Variants in FARP2 observed in about 807,000 individuals in gnomAD.
FARP2 encodes FERM, ARHGEF and pleckstrin domain-containing protein 2.
FARP2 carries 111 observed loss-of-function variants against 130.5 expected under a neutral mutation model. The observed-to-expected ratio is 0.85, with a 90% CI of 0.73 to 1.00. The LOEUF (loss-of-function observed/expected upper bound fraction) is 1.00, where lower values mean the gene tolerates loss of function less well. FARP2 is among the 50% of genes least tolerant of loss of function. The pLI is 0.00. For missense variants in FARP2, 1,385 were observed against 1,346.3 expected, an observed-to-expected ratio of 1.03 and a Z score of -0.45; for synonymous variants, 504 against 516.9, an observed-to-expected ratio of 0.98 and a Z score of 0.34.
chr2:241,463,743 C>T, intron 16 of FARP2, 156 bp from the exon 17 acceptor site: 1 of 702,544 alleles, frequency 1.4e-6, no homozygotes, highest in South Asian at 1.8e-5. Flanking sequence ...ATAGCAGCTT[C>T]CATCCAGGGC....
At position 241,491,526 on chromosome 2, in the gene FARP2, C is replaced by T. The variant is rs754794761; in HGVS notation, c.2634C>T (p.Asn878=). The stretch of plus-strand genomic sequence containing the variant: ...CTGACTTCTCCCCAGGATCCCCCAA[C>T]GAGGTATCTCTGGAGCAGGAGTCAG... ...TVCTRPPRSP[N]EVSLEQESED... is the part of the protein sequence containing the mutation. The change falls in exon 24 of 27, where the codon AAC becomes AAT. Residue 878 remains asparagine, a synonymous_variant. Transcript: ENST00000264042. 12 of 1,613,470 alleles carry T rather than the reference C, an allele frequency of 7.4e-6. No individual in the cohort carries two copies. Among genetic ancestry groups the T allele is most frequent in the East Asian group, 2.2e-5 (1 of 44,876 alleles).
In FARP2 at chr2:241,418,089, A is replaced by G. The variant is rs1427247874; in HGVS notation, c.751A>G (p.Met251Val). 3.7e-6 allele frequency: 6 copies of G among 1,614,038 alleles called. No individual in the cohort carries two copies. The highest frequency in any genetic ancestry group is 1.7e-5 in the Admixed American group (1 of 59,988). The change falls in exon 8 of 27, where the codon ATG becomes GTG. Residue 251 changes from methionine to valine, a missense_variant. Met to Val is a conservative substitution (Grantham distance 21). Transcript: ENST00000264042. ...GTKIQLAVSH[M>V]GVLVFQGTTK... ...CAAGATTCAACTGGCAGTTTCCCAC[A>G]TGGGTGTACTCGTGTTCCAGGTAGG...
At chr2:241,404,690 T>C in intron 3 of FARP2, 109 bp from the exon 4 acceptor site, 1 of 784,646 alleles carries the variant, frequency 1.3e-6, no homozygotes, top group Non-Finnish European at 2.1e-6. Flanking sequence ...GTCAAAATTT[T>C]CCTGACATAA....
chr2:241,479,229 G>A (rs2064553517), intron 19 of FARP2, among the ~76,000 whole-genome samples: 1 of 152,206 alleles, frequency 6.6e-6, no homozygotes, highest in South Asian at 2.1e-4. Flanking sequence ...ATCTCTTGAG[G>A]GGGGCCAGAG....
At chr2:241,400,811 TTGAAAGAACTTCATAGGGTTG>T (rs2062147060) in intron 2 of FARP2, among the ~76,000 whole-genome samples, 1 of 152,274 alleles carries the variant, frequency 6.6e-6, no homozygotes, top group Admixed American at 6.5e-5. Context: ...CAGTATGGCT[TTGAAAGAACTTCATAGGGTTG>T]TTTGGGCCCA....
chr2:241,417,570 G>A (rs913882341), intron 7 of FARP2, among the ~76,000 whole-genome samples: 3 of 152,092 alleles, frequency 2.0e-5, no homozygotes, highest in Non-Finnish European at 2.9e-5. Context: ...TGATCCACCC[G>A]CCTCTGCCTC....
intron 8 of FARP2, among the ~76,000 whole-genome samples, chr2:241,426,988 A>G (rs2062955140): frequency 6.6e-6 from 1 of 152,202 alleles, no homozygotes; most frequent in South Asian, 2.1e-4. Context: ...TAATCCCAGA[A>G]CTTTGGGAGG....
chr2:241,450,386 G>A (rs2063619647), intron 13 of FARP2, among the ~76,000 whole-genome samples: 1 of 151,636 alleles, frequency 6.6e-6, no homozygotes, highest in Non-Finnish European at 1.5e-5. Flanking sequence ...AAACAAAAAA[G>A]GCCAGGCGCG....
intron 7 of FARP2, among the ~76,000 whole-genome samples, chr2:241,417,190 A>G (rs2062695453): frequency 6.6e-6 from 1 of 150,610 alleles, no homozygotes; most frequent in Admixed American, 6.6e-5. Flanking sequence ...CCAGCTACTC[A>G]GGAGGCTGAG....
intron 21 of FARP2, among the ~76,000 whole-genome samples, chr2:241,485,812 C>G (rs945062829): frequency 6.7e-6 from 1 of 149,226 alleles, no homozygotes; most frequent in Non-Finnish European, 1.5e-5. Context: ...GGCCCTCCCC[C>G]AGTAGGGTCC....
chr2:241,415,354 G>C (rs2062637889), intron 7 of FARP2, among the ~76,000 whole-genome samples: 1 of 152,284 alleles, frequency 6.6e-6, no homozygotes, highest in South Asian at 2.1e-4. Flanking sequence ...TGCTAGTGTT[G>C]TGTGCCATCC....
At chr2:241,359,162 G>A (rs781469263) in intron 1 of FARP2, among the ~76,000 whole-genome samples, 1 of 152,238 alleles carries the variant, frequency 6.6e-6, no homozygotes, top group Non-Finnish European at 1.5e-5. Flanking sequence ...AATACATGAG[G>A]AGGTGAACAG....
rs2062262077 is a variant in FARP2 at position 241,403,932 on chromosome 2, GGTAA to G, written c.288+3_288+6del. The G allele has an allele frequency of 5.1e-6, 8 of 1,574,586 alleles. No homozygotes were observed. Among genetic ancestry groups the G allele is most frequent in the Non-Finnish European group, 7.0e-6 (8 of 1,144,068 alleles). ...AGTTTCAAAATACTCAGTCCTACTG[GGTAA>G]GTGCTTATGACGTGCCCAGGCGTGG... On this transcript the variant is annotated splice_donor_variant and splice_donor_region_variant and intron_variant, in intron 3 of 26. Coordinates refer to ENST00000264042, the MANE Select transcript of FARP2 (RefSeq NM_014808.4). LOFTEE classifies it high-confidence loss of function.
At chr2:241,382,056 C>A (rs1410828452) in intron 2 of FARP2, among the ~76,000 whole-genome samples, 1 of 152,206 alleles carries the variant, frequency 6.6e-6, no homozygotes, top group Admixed American at 6.5e-5. Context: ...CAGGAACTCA[C>A]AGTGGCCCAC....
intron 17 of FARP2, 145 bp from the exon 18 acceptor site, chr2:241,467,995 A>G (rs1357249607): frequency 2.8e-6 from 2 of 705,416 alleles, no homozygotes; most frequent in South Asian, 1.6e-5. Context: ...GAGGCTAGAA[A>G]GCCCCCGCTG....
chr2:241,366,119 ATACG>A (rs1302240578), intron 1 of FARP2, among the ~76,000 whole-genome samples: 33 of 34,934 alleles, frequency 9.4e-4, no homozygotes, highest in South Asian at 2.1e-3. Context: ...ATATATATAT[ATACG>A]TATATATATA....
At position 241,484,252 on chromosome 2, in the gene FARP2, T is replaced by C. The variant is rs752656317; in HGVS notation, c.2342T>C (p.Met781Thr). 1.3e-5 allele frequency: 21 copies of C among 1,614,038 alleles called. No individual in the cohort carries two copies. In the East Asian group the frequency reaches 4.2e-4, roughly 33 times the overall value. The change falls in exon 21 of 27, where the codon ATG (methionine) becomes ACG (threonine). Residue 781 changes from methionine to threonine, a missense_variant. Met to Thr is a moderately conservative substitution (Grantham distance 81). Coordinates refer to ENST00000264042, the MANE Select transcript of FARP2 (RefSeq NM_014808.4). ...QQRMFFLFSDMLLYTSKGVAG... is the reference protein window; with the variant it reads ...QQRMFFLFSDTLLYTSKGVAG... ...CTTGCTGCTTCTCAGTTCTCAGATA[T>C]GTTGCTGTACACAAGCAAAGGAGTT...
intron 2 of FARP2, among the ~76,000 whole-genome samples, chr2:241,393,599 A>T (rs1022582498): frequency 1.3e-5 from 2 of 152,220 alleles, no homozygotes; most frequent in Admixed American, 6.5e-5. Context: ...ATTATATAAT[A>T]GGAGGGGCCA....
chr2:241,363,107 TTTC>T (rs1463251358), intron 1 of FARP2, among the ~76,000 whole-genome samples: 1 of 152,092 alleles, frequency 6.6e-6, no homozygotes, highest in Non-Finnish European at 1.5e-5. Context: ...CAGTAGTGAG[TTTC>T]TTGTCTTCCC....
Sources: gnomAD v4.1 joint callset for allele counts (sites outside exome capture counted in the v4.1 genomes callset) on GRCh38, gnomAD v4.1.1 for gene constraint, MANE v1.5 for transcripts, NCBI Gene and HGNC (gene_info 2026-07-23, HGNC 2026-07-21) for gene names.